Variants in FCHSD1 observed in about 807,000 individuals in gnomAD.
The protein encoded by FCHSD1 is F-BAR and double SH3 domains protein 1.
FCHSD1 carries 109 observed loss-of-function variants against 101.3 expected under a neutral mutation model. That is an observed-to-expected ratio of 1.08 (90% confidence interval 0.92 to 1.26). The LOEUF is 1.26. FCHSD1 is among the 50% of genes most tolerant of loss of function. The probability of loss-of-function intolerance (pLI) is 0.00; values close to 1 mark genes in which losing one functional copy is unlikely to be tolerated. For missense variants in FCHSD1, 820 were observed against 895.8 expected, an observed-to-expected ratio of 0.92 and a Z score of 1.08; for synonymous variants, 291 against 356.8, an observed-to-expected ratio of 0.82 and a Z score of 2.08.
At chr5:141,646,435 T>G in intron 11 of FCHSD1, 168 bp downstream of exon 11, 4 of 1,155,164 alleles carry the variant, frequency 3.5e-6, no homozygotes, top group Non-Finnish European at 4.8e-6. Flanking sequence ...TATGTCGGTC[T>G]AGCTCCAAAA....
chr5:141,647,557 C>A, intron 8 of FCHSD1, 37 bp from the exon 9 acceptor site: 1 of 1,607,344 alleles, frequency 6.2e-7, no homozygotes, highest in South Asian at 1.1e-5. Flanking sequence ...CCACCCTTCC[C>A]CCAGACCTCT....
In FCHSD1 at chr5:141,639,978, C is replaced by T; in HGVS notation, c.*1520G>A. On this transcript the variant is annotated 3_prime_UTR_variant, in exon 20 of 20. Transcript: ENST00000435817. This position sits in a 1 kb window ranked among gnomAD's most constrained non-coding sequence, Gnocchi z 4.4. ...ACTGCACGAACACCGTGATGGCTCC[C>T]CCACAGACAGGAGCTGGGGCTCTGG... 6.2e-7 allele frequency: 1 copy of T among 1,613,952 alleles called. No homozygotes were observed. Among genetic ancestry groups the T allele is most frequent in the Non-Finnish European group, 8.5e-7 (1 of 1,179,992 alleles).
chr5:141,649,260 G>A lies in FCHSD1; in HGVS notation c.424C>T (p.Arg142Trp), dbSNP rs199923199. ...AGCTTCCGACTTCGGCTCAGCTCCC[G>A]GACAGACTGCAGCACCTCAGCCTGC... ...RAQAEVLQSV[R>W]ELSRSRKLYG... The change falls in exon 6 of 20, where the codon CGG becomes TGG. Residue 142 changes from arginine (R) to tryptophan (W), a missense_variant. Physicochemically the swap from Arg to Trp is moderately radical, Grantham distance 101. Coordinates refer to ENST00000435817, the MANE Select transcript of FCHSD1 (RefSeq NM_033449.3). This position sits in a 1 kb window ranked among gnomAD's most constrained non-coding sequence, Gnocchi z 4.1. 3.9e-4 allele frequency: 624 copies of A among 1,613,966 alleles called. 4 individuals are homozygous for A. The South Asian group carries it at 6.3e-3, about 16-fold the overall frequency.
chr5:141,640,136 A>C lies in FCHSD1; in HGVS notation c.*1362T>G, dbSNP rs574587182. On this transcript the variant is annotated 3_prime_UTR_variant, in exon 20 of 20. Transcript: ENST00000435817. ...TAGCCAGCCCCCCAGTACAGAATGGAGGACTCAGGGACAGCAGCCTAACCC... is the reference window on the plus strand; with the variant it reads ...TAGCCAGCCCCCCAGTACAGAATGGCGGACTCAGGGACAGCAGCCTAACCC... 2 of 1,614,078 alleles carry C rather than the reference A, an allele frequency of 1.2e-6. No homozygotes were observed. The highest frequency in any genetic ancestry group is 2.2e-5 in the East Asian group (1 of 44,872).
In FCHSD1 at chr5:141,639,466, TG is replaced by T; in HGVS notation, c.*2031del. ...CTCCCCTCCTCCCTGCTGTCCAGTG[TG>T]GATGCCACCTCCAGCCTGCAGGACG... On this transcript the variant is annotated 3_prime_UTR_variant, in exon 20 of 20. Transcript: ENST00000435817. The surrounding 1 kb of genome is among the most constrained non-coding windows in gnomAD (Gnocchi z 4.4). The T allele has an allele frequency of 6.2e-7, 1 of 1,610,182 alleles. No homozygotes were observed. Among genetic ancestry groups the T allele is most frequent in the Non-Finnish European group, 8.5e-7 (1 of 1,177,436 alleles).
Position 141,645,007 on chromosome 5 carries a change from C to A in FCHSD1, c.1440+13G>T. Reference sequence around the variant, plus strand: ...CACCCTTGCCCATCAGAGGTCCCCACCCCCATTCATACCTGATAGCGAAAT... The same window carrying A: ...CACCCTTGCCCATCAGAGGTCCCCAACCCCATTCATACCTGATAGCGAAAT... On this transcript the variant is annotated intron_variant, in intron 14 of 19. Transcript: ENST00000435817. 6.2e-7 allele frequency: 1 copy of A among 1,613,468 alleles called. No homozygotes were observed. The highest frequency in any genetic ancestry group is 8.5e-7 in the Non-Finnish European group (1 of 1,179,548).
chr5:141,639,414 T>C lies in FCHSD1; in HGVS notation c.*2084A>G. On this transcript the variant is annotated 3_prime_UTR_variant, in exon 20 of 20. Transcript: ENST00000435817. The surrounding 1 kb of genome is among the most constrained non-coding windows in gnomAD (Gnocchi z 4.4). ...CTGAAAGAACGTAAGAAACAAAACA[T>C]GAAGGGAAATGGAAATGTTACCCTC... is the stretch of plus-strand genomic sequence containing the variant. 3 of 1,466,352 alleles carry C rather than the reference T, an allele frequency of 2.0e-6. No individual in the cohort carries two copies. The highest frequency in any genetic ancestry group is 2.5e-5 in the South Asian group (2 of 80,704). 90.8% of individuals were successfully genotyped at this position (1,466,352 alleles called of 1,614,324 possible). A position where few individuals can be genotyped will look rare whatever the true frequency, so the allele number is the denominator to read the frequency against.
rs370104075 is a variant in FCHSD1 at position 141,644,361 on chromosome 5, G to A, written c.1720C>T (p.Arg574Cys). Residue 574 changes from arginine to cysteine, a missense_variant, in exon 17 of 20, where the codon CGT (arginine) becomes TGT (cysteine). Transcript: ENST00000435817. Reference sequence around the variant, plus strand: ...CCATCTTGGGCCCGGGGCAGCAGACGGATGAGTGCCCCCTCAGGGAAGCTC... The same window carrying A: ...CCATCTTGGGCCCGGGGCAGCAGACAGATGAGTGCCCCCTCAGGGAAGCTC... ...ELSFPEGALI[R>C]LLPRAQDGVD... The A allele has an allele frequency of 9.3e-6, 15 of 1,613,860 alleles. No individual in the cohort carries two copies. Among genetic ancestry groups the A allele is most frequent in the East Asian group, 8.9e-5 (4 of 44,882 alleles).
At chr5:141,647,267 GACTC>G (rs1419211477) in intron 9 of FCHSD1, 37 bp from the exon 10 acceptor site, 1 of 1,582,802 alleles carries the variant, frequency 6.3e-7, no homozygotes, top group Non-Finnish European at 8.6e-7. Flanking sequence ...CTCATTCACT[GACTC>G]ACTCTCCAAC....
In FCHSD1 at chr5:141,649,509, G is replaced by A; in HGVS notation, c.261C>T (p.Arg87=). 4 of 1,613,356 alleles carry A rather than the reference G, an allele frequency of 2.5e-6. No individual in the cohort carries two copies. The highest frequency in any genetic ancestry group is 2.2e-5 in the East Asian group (1 of 44,870). ...SRGRTVFGAW[R]CLLDATVAGG... ...CAGCCACGGTGGCATCCAGCAGGCAGCGCCAGGCACCGAACACTGTCCTGC... is the reference window on the plus strand; with the variant it reads ...CAGCCACGGTGGCATCCAGCAGGCAACGCCAGGCACCGAACACTGTCCTGC... Residue 87 remains arginine (R), a synonymous_variant, in exon 5 of 20, where the codon CGC becomes CGT. Coordinates refer to ENST00000435817, the MANE Select transcript of FCHSD1 (RefSeq NM_033449.3). The surrounding 1 kb of genome is among the most constrained non-coding windows in gnomAD (Gnocchi z 4.1).
At chr5:141,641,678 C>G in intron 19 of FCHSD1, 24 bp downstream of exon 19, 1 of 1,613,856 alleles carries the variant, frequency 6.2e-7, no homozygotes, top group Admixed American at 1.7e-5. Flanking sequence ...TACATACAAT[C>G]TCCTCCAAGG....
rs2099907015 is a variant in FCHSD1 at position 141,642,322 on chromosome 5, G to T, written c.1952-565C>A. The T allele has an allele frequency of 4.7e-6, 3 of 634,848 alleles. No individual in the cohort carries two copies. In the South Asian group the frequency reaches 5.5e-5, roughly 12 times the overall value. 39.3% of individuals were successfully genotyped at this position (634,848 alleles called of 1,614,324 possible). On this transcript the variant is annotated intron_variant, in intron 18 of 19. Transcript: ENST00000435817. ...AACGGGTACACATGGACATAGAGATGGAAATAACAGACTCCCAGGACTCCA... is the reference window on the plus strand; with the variant it reads ...AACGGGTACACATGGACATAGAGATTGAAATAACAGACTCCCAGGACTCCA...
Position 141,641,217 on chromosome 5 carries a change from T to G in FCHSD1, c.*281A>C. The stretch of plus-strand genomic sequence containing the variant: ...CAGAACTACTAGAGACCTTGATGGA[T>G]GGTTTCCAGCCCCAGAGATTTCAGG... On this transcript the variant is annotated 3_prime_UTR_variant, in exon 20 of 20. Transcript: ENST00000435817. 1 of 377,842 alleles carries G rather than the reference T, an allele frequency of 2.6e-6. No individual in the cohort carries two copies. 23.4% of individuals were successfully genotyped at this position (377,842 alleles called of 1,614,324 possible). A position where few individuals can be genotyped will look rare whatever the true frequency, so the allele number is the denominator to read the frequency against.
intron 2 of FCHSD1, 58 bp from the exon 3 acceptor site, chr5:141,650,462 C>G (rs1300477105): frequency 9.9e-6 from 16 of 1,610,496 alleles, no homozygotes; most frequent in African/African-American, 1.3e-5. Context: ...TGGTCCTGTT[C>G]TCCCATCCTC....
At position 141,639,924 on chromosome 5, in the gene FCHSD1, C is replaced by G. The variant is rs199910418; in HGVS notation, c.*1574G>C. On this transcript the variant is annotated 3_prime_UTR_variant, in exon 20 of 20. Transcript: ENST00000435817. The surrounding 1 kb of genome is among the most constrained non-coding windows in gnomAD (Gnocchi z 4.4). The stretch of plus-strand genomic sequence containing the variant: ...CAGTGTTCCCTCCCCTCCCAGGTTC[C>G]GGGTGACACACATTGAGAAGCGCTA... 3.1e-6 allele frequency: 5 copies of G among 1,613,918 alleles called. No individual in the cohort carries two copies. Among genetic ancestry groups the G allele is most frequent in the Non-Finnish European group, 4.2e-6 (5 of 1,179,974 alleles).
In FCHSD1 at chr5:141,640,223, G is replaced by A; in HGVS notation, c.*1275C>T. On this transcript the variant is annotated 3_prime_UTR_variant, in exon 20 of 20. Transcript: ENST00000435817. ...AGCCAACACTGAGGGCCGGAGGGAG[G>A]GGCCCAAGCCCAGGGCTGCCCACTC... The A allele has an allele frequency of 6.2e-7, 1 of 1,614,170 alleles. No homozygotes were observed. The highest frequency in any genetic ancestry group is 8.5e-7 in the Non-Finnish European group (1 of 1,180,004).
Position 141,641,560 on chromosome 5 carries a change from G to GC in FCHSD1, c.2010dup (p.Arg671AlafsTer9). On this transcript the variant is annotated frameshift_variant, in exon 20 of 20. Transcript: ENST00000435817. LOFTEE classifies it high-confidence loss of function. ...TTAGCCGGCGGGGGAGGTGGTGGAC[G>GC]CATCTGTAGGGAACACACAGTTAGT... 6.5e-7 allele frequency: 1 copy of GC among 1,538,420 alleles called. No homozygotes were observed. The highest frequency in any genetic ancestry group is 1.7e-4 in the Middle Eastern group (1 of 5,740).
Position 141,641,689 on chromosome 5 carries a change from C to A in FCHSD1, c.2007+13G>T. ...CCTCTACATACAATCTCCTCCAAGG[C>A]AAGGGCCCTTACCGGCCTGAGTCGA... is the stretch of plus-strand genomic sequence containing the variant. On this transcript the variant is annotated intron_variant, in intron 19 of 19. Coordinates refer to ENST00000435817, the MANE Select transcript of FCHSD1 (RefSeq NM_033449.3). The A allele has an allele frequency of 6.2e-7, 1 of 1,614,012 alleles. No homozygotes were observed. The highest frequency in any genetic ancestry group is 8.5e-7 in the Non-Finnish European group (1 of 1,179,890).
At position 141,645,816 on chromosome 5, in the gene FCHSD1, C is replaced by G; in HGVS notation, c.1266G>C (p.Arg422=). The change falls in exon 13 of 20, where the codon CGG becomes CGC. Residue 422 remains arginine (R), a synonymous_variant. Transcript: ENST00000435817. ...GGGACAGCCGAGCCTCACTGAGCCG[C>G]CGCTCCTGCTCCACCTCATCCTGGG... The part of the protein sequence containing the change: ...TQAQDEVEQE[R]RLSEARLSQR... The G allele has an allele frequency of 6.2e-7, 1 of 1,610,364 alleles. No homozygotes were observed. Among genetic ancestry groups the G allele is most frequent in the Non-Finnish European group, 8.5e-7 (1 of 1,178,388 alleles).
Sources: gnomAD v4.1 joint callset for allele counts on GRCh38, gnomAD v4.1.1 for gene constraint, Gnocchi (gnomAD v3.1) non-coding constraint, MANE v1.5 for transcripts, NCBI Gene and HGNC (gene_info 2026-07-23, HGNC 2026-07-21) for gene names.